EFNA5: variants seen among roughly 807,000 people sequenced by gnomAD.
EFNA5 encodes the protein ephrin A5, also known as ephrin-A5.
EFNA5 carries 5 observed loss-of-function variants against 22.9 expected under a neutral mutation model. That is an observed-to-expected ratio of 0.22 (90% CI 0.11 to 0.46). EFNA5 has a LOEUF of 0.46. Ranked by LOEUF, EFNA5 falls within the 20% of genes least tolerant of loss-of-function variation. EFNA5 has a pLI of 0.99. For missense variants in EFNA5, 237 were observed against 293.3 expected (o/e 0.81, Z 1.40); for synonymous variants, 113 against 112.2 (o/e 1.01, Z -0.04).
At chr5:107,401,313 T>C (rs1454891164) in intron 2 of EFNA5, among the ~76,000 whole-genome samples, 1 of 152,232 alleles carries the variant, frequency 6.6e-6, no homozygotes, top group East Asian at 1.9e-4. Flanking sequence ...TGCCGCTGCT[T>C]AGTGGAAGAA....
chr5:107,444,645 G>A (rs1034911886), intron 1 of EFNA5, among the ~76,000 whole-genome samples: 2 of 152,228 alleles, frequency 1.3e-5, no homozygotes. Context: ...TAAAATAGAA[G>A]CGCAATTTGA....
chr5:107,421,580 T>A (rs1748666913), intron 2 of EFNA5, among the ~76,000 whole-genome samples: 1 of 152,192 alleles, frequency 6.6e-6, no homozygotes, highest in South Asian at 2.1e-4. Flanking sequence ...TGGAAAAGTA[T>A]CCTTTGGAGA....
intron 1 of EFNA5, among the ~76,000 whole-genome samples, chr5:107,468,772 T>C (rs1750060878): frequency 6.6e-6 from 1 of 150,794 alleles, no homozygotes; most frequent in African/African-American, 2.4e-5. Flanking sequence ...CTACATGTGA[T>C]GTAGAAATAA....
intron 1 of EFNA5, among the ~76,000 whole-genome samples, chr5:107,562,530 G>T (rs568260016): frequency 6.6e-6 from 1 of 152,020 alleles, no homozygotes; most frequent in Non-Finnish European, 1.5e-5. Flanking sequence ...ATCAAAGTTT[G>T]AATATAGTAT....
At chr5:107,412,706 C>A (rs1426805067) in intron 2 of EFNA5, among the ~76,000 whole-genome samples, 2 of 152,208 alleles carry the variant, frequency 1.3e-5, no homozygotes, top group East Asian at 3.9e-4. Flanking sequence ...TGGATGTCAC[C>A]CCCAAATGGT....
chr5:107,386,713 A>G (rs1747634489), intron 4 of EFNA5, among the ~76,000 whole-genome samples: 1 of 152,234 alleles, frequency 6.6e-6, no homozygotes, highest in South Asian at 2.1e-4. Flanking sequence ...AATAGCAAAA[A>G]TATTTAAATA....
intron 1 of EFNA5, among the ~76,000 whole-genome samples, chr5:107,440,560 G>A (rs541000328): frequency 2.0e-5 from 3 of 152,292 alleles, no homozygotes; most frequent in African/African-American, 7.2e-5. Flanking sequence ...AGATGATAAT[G>A]GGCACTCCAT....
intron 1 of EFNA5, among the ~76,000 whole-genome samples, chr5:107,631,048 C>T (rs769242867): frequency 5.9e-5 from 9 of 152,038 alleles, no homozygotes; most frequent in Admixed American, 3.3e-4. Flanking sequence ...TCTGGAATAC[C>T]TTCTCAAGGA....
At chr5:107,463,677 A>T (rs896038988) in intron 1 of EFNA5, among the ~76,000 whole-genome samples, 3 of 152,232 alleles carry the variant, frequency 2.0e-5, no homozygotes, top group Admixed American at 6.5e-5. Flanking sequence ...AAAATAATTA[A>T]AACTTGCTTG....
At chr5:107,581,203 C>T (rs1326160323) in intron 1 of EFNA5, among the ~76,000 whole-genome samples, 1 of 152,174 alleles carries the variant, frequency 6.6e-6, no homozygotes, top group East Asian at 1.9e-4. Context: ...CCAGAAACAT[C>T]GCATTTTTCA....
At chr5:107,511,041 T>TGTGTGTGTGTGTGTGTGTGTGTGA (rs1363882358) in intron 1 of EFNA5, among the ~76,000 whole-genome samples, 4 of 149,756 alleles carry the variant, frequency 2.7e-5, no homozygotes, top group African/African-American at 1.0e-4. Flanking sequence ...TGTGTGTGTG[T>TGTGTGTGTGTGTGTGTGTGTGTGA]GAGACGGAGA....
intron 1 of EFNA5, among the ~76,000 whole-genome samples, chr5:107,515,004 A>G (rs1747447163): frequency 6.6e-6 from 1 of 152,180 alleles, no homozygotes; most frequent in South Asian, 2.1e-4. Flanking sequence ...GGAACTAAGG[A>G]CTAGACATGT....
At chr5:107,458,649 CAG>C (rs1185725782) in intron 1 of EFNA5, among the ~76,000 whole-genome samples, 1 of 152,000 alleles carries the variant, frequency 6.6e-6, no homozygotes, top group Non-Finnish European at 1.5e-5. Flanking sequence ...ATACAGAAAA[CAG>C]AGTGCTGAAA....
intron 1 of EFNA5, among the ~76,000 whole-genome samples, chr5:107,645,678 T>C (rs185951015): frequency 5.8e-4 from 89 of 152,334 alleles, no homozygotes; most frequent in Non-Finnish European, 3.8e-4. Context: ...CTTAAAGTCA[T>C]GAATTCTTTA....
intron 1 of EFNA5, among the ~76,000 whole-genome samples, chr5:107,476,735 T>C (rs201811842): frequency 6.8e-6 from 1 of 148,122 alleles, no homozygotes; most frequent in Non-Finnish European, 1.5e-5. Flanking sequence ...TTTTTTCTCT[T>C]TCTCTCTCTC....
At chr5:107,481,849 C>CAA (rs3078574) in intron 1 of EFNA5, among the ~76,000 whole-genome samples, 46,817 of 119,152 alleles carry the variant, frequency 0.39, 8,268 homozygotes, top group South Asian at 0.53. Flanking sequence ...GACTCCATCT[C>CAA]AAAAAAAAAA....
At chr5:107,561,113 C>T (rs1748532756) in intron 1 of EFNA5, among the ~76,000 whole-genome samples, 1 of 152,182 alleles carries the variant, frequency 6.6e-6, no homozygotes, top group Non-Finnish European at 1.5e-5. Context: ...TACCTCTTTA[C>T]AGGCCTGATG....
At chr5:107,594,281 A>C (rs1488767150) in intron 1 of EFNA5, among the ~76,000 whole-genome samples, 1 of 152,178 alleles carries the variant, frequency 6.6e-6, no homozygotes, top group African/African-American at 2.4e-5. Context: ...CACCTTTTTA[A>C]AAATGTTGTA....
chr5:107,433,431 T>C (rs1037189743), intron 1 of EFNA5, among the ~76,000 whole-genome samples: 1 of 152,164 alleles, frequency 6.6e-6, no homozygotes, highest in Non-Finnish European at 1.5e-5. Context: ...ACCTGGAGCA[T>C]TGGATAAAAA....
Sources: allele counts gnomAD v4.1 joint callset (sites outside exome capture counted in the v4.1 genomes callset), GRCh38; gene constraint gnomAD v4.1.1; transcripts MANE v1.5; gene names NCBI Gene and HGNC (gene_info 2026-07-23, HGNC 2026-07-21).